Variants in MPP7 observed in about 807,000 individuals in gnomAD.
MPP7 encodes MAGUK p55 subfamily member 7.
MPP7 carries 60 observed loss-of-function variants against 76.5 expected under a neutral mutation model. The observed-to-expected ratio is 0.78, with a 90% CI of 0.64 to 0.97. The LOEUF (loss-of-function observed/expected upper bound fraction) is 0.97, where lower values mean the gene tolerates loss of function less well. Ranked by LOEUF, MPP7 falls within the 50% of genes least tolerant of loss-of-function variation. MPP7 has a pLI of 0.00. For synonymous variants in MPP7, 237 were observed against 244.5 expected, an observed-to-expected ratio of 0.97 and a Z score of 0.29; for missense variants, 641 against 694.0, an observed-to-expected ratio of 0.92 and a Z score of 0.86.
intron 2 of MPP7, among the ~76,000 whole-genome samples, chr10:28,315,825 C>T (rs1026863036): frequency 6.6e-6 from 1 of 152,036 alleles, no homozygotes; most frequent in African/African-American, 2.4e-5. Flanking sequence ...AGTGGAAAAA[C>T]CTGACCAGCA....
At chr10:28,062,132 T>C (rs1438711999) in intron 13 of MPP7, among the ~76,000 whole-genome samples, 3 of 152,186 alleles carry the variant, frequency 2.0e-5, no homozygotes, top group African/African-American at 4.8e-5. Flanking sequence ...CATTAAGATA[T>C]ATATGACTAT....
intron 3 of MPP7, among the ~76,000 whole-genome samples, chr10:28,175,916 G>T (rs1440305430): frequency 6.6e-6 from 1 of 152,138 alleles, no homozygotes; most frequent in Admixed American, 6.5e-5. Context: ...AAACAATGGG[G>T]CAGAGTAAAA....
intron 2 of MPP7, among the ~76,000 whole-genome samples, chr10:28,215,517 C>T (rs1341371102): frequency 1.3e-5 from 2 of 152,022 alleles, no homozygotes; most frequent in Non-Finnish European, 2.9e-5. Flanking sequence ...ACAGCGTTCT[C>T]GAGGAAGCGA....
At chr10:28,143,491 A>C (rs1835595063) in intron 5 of MPP7, among the ~76,000 whole-genome samples, 2 of 152,186 alleles carry the variant, frequency 1.3e-5, no homozygotes, top group South Asian at 4.1e-4. Context: ...CATGTATATT[A>C]ATAAATGTTC....
In MPP7 at chr10:28,275,645, G is replaced by T. The variant is rs561941137; in HGVS notation, c.-132+27216C>A. Among the ~76,000 whole-genome samples, 99 of 151,982 alleles carry T rather than the reference G, an allele frequency of 6.5e-4. No individual in the cohort carries two copies. In the South Asian group the frequency reaches 0.02, roughly 30 times the overall value. On this transcript the variant is annotated intron_variant, in intron 1 of 16. Transcript: ENST00000683449. ...TGGTCTCAAACTCCTGACCTCAAGG[G>T]ATCCACCTGCCTCGGCCTCCCAAAA...
chr10:28,251,246 C>G (rs928802672), intron 1 of MPP7, among the ~76,000 whole-genome samples: 1 of 152,192 alleles, frequency 6.6e-6, no homozygotes, highest in Admixed American at 6.5e-5. Context: ...GGGCAGATCA[C>G]TTGAGGTCAG....
intron 2 of MPP7, among the ~76,000 whole-genome samples, chr10:28,322,084 G>T (rs558501212): frequency 6.6e-6 from 1 of 151,730 alleles, no homozygotes; most frequent in East Asian, 1.9e-4. Flanking sequence ...TCAGGGCCAT[G>T]TGACAAAATG....
At chr10:28,148,134 G>A (rs140943875) in intron 4 of MPP7, among the ~76,000 whole-genome samples, 2,283 of 152,222 alleles carry the variant, frequency 0.015, 57 homozygotes, top group African/African-American at 0.052. Context: ...ACCAATCATA[G>A]TACCAATTGT....
chr10:28,059,808 A>G, intron 13 of MPP7, 65 bp from the exon 14 acceptor site: 2 of 1,058,846 alleles, frequency 1.9e-6, no homozygotes, highest in Non-Finnish European at 2.9e-6. Context: ...AATACTAAAA[A>G]AGAAATCAAG....
At chr10:28,193,448 T>C in intron 3 of MPP7, among the ~76,000 whole-genome samples, 1 of 152,128 alleles carries the variant, frequency 6.6e-6, no homozygotes, top group East Asian at 1.9e-4. Context: ...CCTGACCTCA[T>C]GATCCGCCCG....
intron 1 of MPP7, among the ~76,000 whole-genome samples, chr10:28,299,314 C>T (rs976222685): frequency 1.3e-5 from 2 of 152,030 alleles, no homozygotes; most frequent in Admixed American, 1.3e-4. Context: ...TATTAATTGG[C>T]CTAATTTCAA....
chr10:28,136,431 C>T (rs1835356375), intron 5 of MPP7, among the ~76,000 whole-genome samples: 2 of 151,926 alleles, frequency 1.3e-5, no homozygotes, highest in African/African-American at 4.8e-5. Flanking sequence ...AGATAAAACT[C>T]ACAATGACTC....
chr10:28,264,477 A>C (rs1441868530), intron 1 of MPP7, among the ~76,000 whole-genome samples: 1 of 152,114 alleles, frequency 6.6e-6, no homozygotes, highest in African/African-American at 2.4e-5. Flanking sequence ...CCACGTGAGA[A>C]GGCTGCACTT....
intron 11 of MPP7, among the ~76,000 whole-genome samples, chr10:28,117,494 T>C (rs1381315174): frequency 6.6e-6 from 1 of 152,094 alleles, no homozygotes; most frequent in African/African-American, 2.4e-5. Context: ...TTTCCTATAA[T>C]TCAACAAAGG....
intron 12 of MPP7, among the ~76,000 whole-genome samples, chr10:28,089,067 G>T (rs987305045): frequency 6.6e-6 from 1 of 152,002 alleles, no homozygotes; most frequent in African/African-American, 2.4e-5. Flanking sequence ...TAGAGATGGG[G>T]CTTCAATGTA....
At chr10:28,124,241 C>G (rs1001869814) in intron 7 of MPP7, 125 bp from the exon 8 acceptor site, 2 of 673,714 alleles carry the variant, frequency 3.0e-6, no homozygotes, top group African/African-American at 3.6e-5. Context: ...GAAAGGAGAC[C>G]TTCACACATC....
intron 12 of MPP7, among the ~76,000 whole-genome samples, chr10:28,080,634 C>T (rs1483356300): frequency 1.3e-5 from 2 of 152,198 alleles, no homozygotes; most frequent in Non-Finnish European, 2.9e-5. Flanking sequence ...ATAGCTGGTA[C>T]ACCGTAAAAC....
intron 12 of MPP7, among the ~76,000 whole-genome samples, chr10:28,085,878 G>C (rs1010205241): frequency 6.6e-6 from 1 of 151,994 alleles, no homozygotes; most frequent in African/African-American, 2.4e-5. Flanking sequence ...AGAAAAGGGA[G>C]GGGACCAACC....
At chr10:28,261,750 C>T (rs1190429579) in intron 1 of MPP7, among the ~76,000 whole-genome samples, 1 of 152,140 alleles carries the variant, frequency 6.6e-6, no homozygotes, top group Non-Finnish European at 1.5e-5. Context: ...TCTATCTCTC[C>T]ATTTATAATT....
Sources: gnomAD v4.1 joint callset for allele counts (sites outside exome capture counted in the v4.1 genomes callset) on GRCh38, gnomAD v4.1.1 for gene constraint, MANE v1.5 for transcripts, NCBI Gene and HGNC (gene_info 2026-07-23, HGNC 2026-07-21) for gene names.